FOXQ1: variants seen among roughly 807,000 people sequenced by gnomAD.
FOXQ1 encodes the protein forkhead box protein Q1.
FOXQ1 carries 1 observed loss-of-function variant against 0.6 expected under a neutral mutation model. The ratio of observed to expected loss-of-function variants is 1.73; its 90% confidence interval spans 0.61 to 8.20. The LOEUF is 8.20. Ranked by LOEUF, FOXQ1 falls within the 30% of genes most tolerant of loss-of-function variation. The probability of loss-of-function intolerance (pLI) is 0.13; values close to 1 mark genes in which losing one functional copy is unlikely to be tolerated. For missense variants in FOXQ1, 734 were observed against 595.6 expected, an observed-to-expected ratio of 1.23 and a Z score of -2.42; for synonymous variants, 377 against 294.4, an observed-to-expected ratio of 1.28 and a Z score of -2.87.
In FOXQ1 at chr6:1,313,818, C is replaced by A; in HGVS notation, c.1114C>A (p.Leu372Met). The part of the protein sequence containing the change: ...LRGPAAGGAH[L>M]YCPLRLPAAL... ...AGGCCCGGCGGCCGGCGGCGCGCAC[C>A]TGTACTGCCCCCTGCGGCTGCCCGC... is the stretch of plus-strand genomic sequence containing the variant. The change falls in exon 1 of 1, where the codon CTG (leucine) becomes ATG (methionine). Residue 372 changes from leucine (L) to methionine (M), a missense_variant. By Grantham distance (15) the Leu-to-Met change is conservative (BLOSUM62 2). Transcript: ENST00000296839. This position sits in a 1 kb window ranked among gnomAD's most constrained non-coding sequence, Gnocchi z 5.2. The A allele has an allele frequency of 7.8e-7, 1 of 1,284,476 alleles. No individual in the cohort carries two copies. The highest frequency in any genetic ancestry group is 2.6e-5 in the South Asian group (1 of 37,908). The allele number at this position is 1,284,476 out of a possible 1,614,324, so 79.6% of individuals were successfully genotyped here. A position where few individuals can be genotyped will look rare whatever the true frequency, so the allele number is the denominator to read the frequency against.
rs1353584456 is a variant in FOXQ1 at position 1,312,773 on chromosome 6, G to A, written c.69G>A (p.Ala23=). 3.0e-6 allele frequency: 4 copies of A among 1,315,308 alleles called. No homozygotes were observed. Among genetic ancestry groups the A allele is most frequent in the African/African-American group, 3.1e-5 (2 of 64,998 alleles). The allele number at this position is 1,315,308 out of a possible 1,614,324, so 81.5% of individuals were successfully genotyped here. A position where few individuals can be genotyped will look rare whatever the true frequency, so the allele number is the denominator to read the frequency against. Reference sequence around the variant, plus strand: ...AGCAGGGCAGTGACCTGGAGGGCGCGGGCGGCAGCGACGCGCCGTCCCCGC... The same window carrying A: ...AGCAGGGCAGTGACCTGGAGGGCGCAGGCGGCAGCGACGCGCCGTCCCCGC... ...GDKQGSDLEG[A]GGSDAPSPLS... The change falls in exon 1 of 1, where the codon GCG becomes GCA. Residue 23 remains alanine, a synonymous_variant. Transcript: ENST00000296839.
chr6:1,313,866 C>T lies in FOXQ1; in HGVS notation c.1162C>T (p.Arg388Cys), dbSNP rs1384996346. The stretch of plus-strand genomic sequence containing the variant: ...CGCAGCCCTGCAGGCGGCCTCAGTC[C>T]GCCGCCCTGGCCCGCACCTGCCGTA... ...LPAALQAASV[R>C]RPGPHLPYPV... Residue 388 changes from arginine (R) to cysteine (C), a missense_variant, in exon 1 of 1, where the codon CGC (arginine) becomes TGC (cysteine). Coordinates refer to ENST00000296839, the MANE Select transcript of FOXQ1 (RefSeq NM_033260.4). The surrounding 1 kb of genome is among the most constrained non-coding windows in gnomAD (Gnocchi z 5.2). 9.3e-5 allele frequency: 122 copies of T among 1,312,776 alleles called. No homozygotes were observed. Among genetic ancestry groups the T allele is most frequent in the Non-Finnish European group, 1.2e-4 (121 of 1,036,462 alleles). The allele number at this position is 1,312,776 out of a possible 1,614,324, so 81.3% of individuals were successfully genotyped here.
Position 1,313,631 on chromosome 6 carries a change from C to T in FOXQ1, c.927C>T (p.Pro309=). 9.1e-7 allele frequency: 1 copy of T among 1,092,976 alleles called. No homozygotes were observed. Among genetic ancestry groups the T allele is most frequent in the Non-Finnish European group, 1.1e-6 (1 of 898,666 alleles). The allele number at this position is 1,092,976 out of a possible 1,614,324, so 67.7% of individuals were successfully genotyped here. Residue 309 remains proline, a synonymous_variant, in exon 1 of 1, where the codon CCC becomes CCT. Transcript: ENST00000296839. The surrounding 1 kb of genome is among the most constrained non-coding windows in gnomAD (Gnocchi z 5.2). ...CCTGCCCGCCGCTGCCCGCGTTCCCCGCGCTCCTCCCCGCGGCGCCCTGCA... is the reference window on the plus strand; with the variant it reads ...CCTGCCCGCCGCTGCCCGCGTTCCCTGCGCTCCTCCCCGCGGCGCCCTGCA... The part of the protein sequence containing the change: ...AAPCPPLPAF[P]ALLPAAPCRA...
Position 1,313,987 on chromosome 6 carries a change from ACTTTGCACT to A in FOXQ1, c.*72_*80del. On this transcript the variant is annotated 3_prime_UTR_variant, in exon 1 of 1. Coordinates refer to ENST00000296839, the MANE Select transcript of FOXQ1 (RefSeq NM_033260.4). This position sits in a 1 kb window ranked among gnomAD's most constrained non-coding sequence, Gnocchi z 5.2. ...GGCGGGAACGCGGGCCCGCGCGCGG[ACTTTGCACT>A]TTGAATCCAGAGGAAGATGAATTTT... 8.3e-7 allele frequency: 1 copy of A among 1,208,796 alleles called. No homozygotes were observed. Among genetic ancestry groups the A allele is most frequent in the Non-Finnish European group, 1.0e-6 (1 of 971,080 alleles). The allele number at this position is 1,208,796 out of a possible 1,614,324, so 74.9% of individuals were successfully genotyped here. A position where few individuals can be genotyped will look rare whatever the true frequency, so the allele number is the denominator to read the frequency against.
Position 1,312,895 on chromosome 6 carries a change from G to C in FOXQ1, c.191G>C (p.Gly64Ala). ...GGCGCCAGAGATACGCAGGGCGACG[G>C]CGAACAGAGTGCGGGAGGCGGGCCG... ...GGGARDTQGDGEQSAGGGPGA... is the reference protein window; with the variant it reads ...GGGARDTQGDAEQSAGGGPGA... The change falls in exon 1 of 1, where the codon GGC becomes GCC. Residue 64 changes from glycine (G) to alanine (A), a missense_variant. Transcript: ENST00000296839. 3.9e-6 allele frequency: 5 copies of C among 1,283,016 alleles called. No individual in the cohort carries two copies. Among genetic ancestry groups the C allele is most frequent in the Non-Finnish European group, 3.9e-6 (4 of 1,018,036 alleles). The allele number at this position is 1,283,016 out of a possible 1,614,324, so 79.5% of individuals were successfully genotyped here. A position where few individuals can be genotyped will look rare whatever the true frequency, so the allele number is the denominator to read the frequency against.
In FOXQ1 at chr6:1,313,160, G is replaced by C. The variant is rs1211620586; in HGVS notation, c.456G>C (p.Lys152Asn). 11 of 1,610,560 alleles carry C rather than the reference G, an allele frequency of 6.8e-6. No homozygotes were observed. Among genetic ancestry groups the C allele is most frequent in the East Asian group, 2.2e-5 (1 of 44,720 alleles). Reference protein sequence around the residue: ...LAEINEYLMGKFPFFRGSYTG... With the variant: ...LAEINEYLMGNFPFFRGSYTG... ...AGATCAACGAGTACCTCATGGGCAA[G>C]TTCCCCTTTTTCCGCGGCAGCTACA... The change falls in exon 1 of 1, where the codon AAG becomes AAC. Residue 152 changes from lysine to asparagine, a missense_variant. By Grantham distance (94) the Lys-to-Asn change is moderately conservative (BLOSUM62 0). Coordinates refer to ENST00000296839, the MANE Select transcript of FOXQ1 (RefSeq NM_033260.4). This position sits in a 1 kb window ranked among gnomAD's most constrained non-coding sequence, Gnocchi z 5.2.
chr6:1,312,411 G>A lies in FOXQ1; in HGVS notation c.-294G>A, dbSNP rs573513637. 329 of 317,834 alleles carry A rather than the reference G, an allele frequency of 1.0e-3. No individual in the cohort carries two copies. The highest frequency in any genetic ancestry group is 6.4e-3 in the African/African-American group (299 of 46,872). 19.7% of individuals were successfully genotyped at this position (317,834 alleles called of 1,614,324 possible). A position where few individuals can be genotyped will look rare whatever the true frequency, so the allele number is the denominator to read the frequency against. On this transcript the variant is annotated 5_prime_UTR_variant, in exon 1 of 1. Transcript: ENST00000296839. ...TGCTCGGGCACCCGAGGGTGGAACC[G>A]CGGCCCCTGCACACACTCACCCCAA...
chr6:1,312,480 C>A lies in FOXQ1; in HGVS notation c.-225C>A. The A allele has an allele frequency of 3.3e-6, 2 of 611,890 alleles. No individual in the cohort carries two copies. The highest frequency in any genetic ancestry group is 4.7e-6 in the Non-Finnish European group (2 of 425,576). 37.9% of individuals were successfully genotyped at this position (611,890 alleles called of 1,614,324 possible). A position where few individuals can be genotyped will look rare whatever the true frequency, so the allele number is the denominator to read the frequency against. ...AAGGCGACACCCACCCAACTCCTCCCTCTCCGCCCCATAGTCCACCCAACA... is the reference window on the plus strand; with the variant it reads ...AAGGCGACACCCACCCAACTCCTCCATCTCCGCCCCATAGTCCACCCAACA... On this transcript the variant is annotated 5_prime_UTR_variant, in exon 1 of 1. Transcript: ENST00000296839.
Position 1,312,787 on chromosome 6 carries a change from C to T in FOXQ1, c.83C>T (p.Ala28Val), listed in dbSNP as rs1757569182. 2 of 1,305,140 alleles carry T rather than the reference C, an allele frequency of 1.5e-6. No individual in the cohort carries two copies. Among genetic ancestry groups the T allele is most frequent in the Non-Finnish European group, 9.7e-7 (1 of 1,028,876 alleles). 80.8% of individuals were successfully genotyped at this position (1,305,140 alleles called of 1,614,324 possible). Residue 28 changes from alanine to valine, a missense_variant, in exon 1 of 1, where the codon GCG becomes GTG. Ala to Val is a moderately conservative substitution (Grantham distance 64). Coordinates refer to ENST00000296839, the MANE Select transcript of FOXQ1 (RefSeq NM_033260.4). ...CTGGAGGGCGCGGGCGGCAGCGACG[C>T]GCCGTCCCCGCTGTCGGCGGCGGGA... ...SDLEGAGGSD[A>V]PSPLSAAGDD...
Position 1,312,994 on chromosome 6 carries a change from G to C in FOXQ1, c.290G>C (p.Gly97Ala), listed in dbSNP as rs558903450. The change falls in exon 1 of 1, where the codon GGG becomes GCG. Residue 97 changes from glycine (G) to alanine (A), a missense_variant. By Grantham distance (60) the Gly-to-Ala change is moderately conservative. Transcript: ENST00000296839. ...VAEGAEAGAA[G>A]PGAGGAGSGE... is the part of the protein sequence containing the mutation. ...GAGGGCGCGGAGGCCGGGGCGGCGG[G>C]GCCAGGCGCGGGCGGCGCGGGGAGC... 11 of 1,337,534 alleles carry C rather than the reference G, an allele frequency of 8.2e-6. No individual in the cohort carries two copies. The East Asian group carries it at 3.0e-4, about 37-fold the overall frequency. The allele number at this position is 1,337,534 out of a possible 1,614,324, so 82.9% of individuals were successfully genotyped here.
Position 1,313,946 on chromosome 6 carries a change from T to G in FOXQ1, c.*30T>G. The G allele has an allele frequency of 8.2e-7, 1 of 1,223,504 alleles. No homozygotes were observed. The highest frequency in any genetic ancestry group is 3.9e-5 in the South Asian group (1 of 25,734). 75.8% of individuals were successfully genotyped at this position (1,223,504 alleles called of 1,614,324 possible). A position where few individuals can be genotyped will look rare whatever the true frequency, so the allele number is the denominator to read the frequency against. ...CGCCGCGGGGCCCGGGAACGCCGAG[T>G]GCGCGCCGTCGGGGAGGCGGGAACG... is the stretch of plus-strand genomic sequence containing the variant. On this transcript the variant is annotated 3_prime_UTR_variant, in exon 1 of 1. Coordinates refer to ENST00000296839, the MANE Select transcript of FOXQ1 (RefSeq NM_033260.4). This position sits in a 1 kb window ranked among gnomAD's most constrained non-coding sequence, Gnocchi z 5.2.
Position 1,312,981 on chromosome 6 carries a change from G to T in FOXQ1, c.277G>T (p.Ala93Ser). The stretch of plus-strand genomic sequence containing the variant: ...AGCGGTGGTGGCGGAGGGCGCGGAG[G>T]CCGGGGCGGCGGGGCCAGGCGCGGG... The part of the protein sequence containing the change: ...AAAVVAEGAE[A>S]GAAGPGAGGA... The change falls in exon 1 of 1, where the codon GCC becomes TCC. Residue 93 changes from alanine to serine, a missense_variant. Transcript: ENST00000296839. 3 of 1,296,764 alleles carry T rather than the reference G, an allele frequency of 2.3e-6. No individual in the cohort carries two copies. In the South Asian group the frequency reaches 8.1e-5, roughly 35 times the overall value. 80.3% of individuals were successfully genotyped at this position (1,296,764 alleles called of 1,614,324 possible).
Position 1,312,505 on chromosome 6 carries a change from A to T in FOXQ1, c.-200A>T. On this transcript the variant is annotated 5_prime_UTR_variant, in exon 1 of 1. Coordinates refer to ENST00000296839, the MANE Select transcript of FOXQ1 (RefSeq NM_033260.4). ...CTCTCCGCCCCATAGTCCACCCAAC[A>T]CTTGCAGCCCCTCCAGAGAAAAAGC... 1 of 810,250 alleles carries T rather than the reference A, an allele frequency of 1.2e-6. No homozygotes were observed. Among genetic ancestry groups the T allele is most frequent in the East Asian group, 3.4e-5 (1 of 29,416 alleles). 50.2% of individuals were successfully genotyped at this position (810,250 alleles called of 1,614,324 possible).
In FOXQ1 at chr6:1,313,819, T is replaced by C; in HGVS notation, c.1115T>C (p.Leu372Pro). 7.8e-7 allele frequency: 1 copy of C among 1,284,252 alleles called. No individual in the cohort carries two copies. Among genetic ancestry groups the C allele is most frequent in the Non-Finnish European group, 9.8e-7 (1 of 1,020,968 alleles). 79.6% of individuals were successfully genotyped at this position (1,284,252 alleles called of 1,614,324 possible). A position where few individuals can be genotyped will look rare whatever the true frequency, so the allele number is the denominator to read the frequency against. Residue 372 changes from leucine to proline, a missense_variant, in exon 1 of 1, where the codon CTG becomes CCG. Coordinates refer to ENST00000296839, the MANE Select transcript of FOXQ1 (RefSeq NM_033260.4). This position sits in a 1 kb window ranked among gnomAD's most constrained non-coding sequence, Gnocchi z 5.2. Reference protein sequence around the residue: ...LRGPAAGGAHLYCPLRLPAAL... With the variant: ...LRGPAAGGAHPYCPLRLPAAL... The stretch of plus-strand genomic sequence containing the variant: ...GGCCCGGCGGCCGGCGGCGCGCACC[T>C]GTACTGCCCCCTGCGGCTGCCCGCA...
In FOXQ1 at chr6:1,313,638, C is replaced by T; in HGVS notation, c.934C>T (p.Leu312Phe). ...CPPLPAFPAL[L>F]PAAPCRALLP... ...GCCGCTGCCCGCGTTCCCCGCGCTC[C>T]TCCCCGCGGCGCCCTGCAGGGCCCT... is the stretch of plus-strand genomic sequence containing the variant. Residue 312 changes from leucine to phenylalanine, a missense_variant, in exon 1 of 1, where the codon CTC (leucine) becomes TTC (phenylalanine). By Grantham distance (22) the Leu-to-Phe change is conservative (BLOSUM62 0). Transcript: ENST00000296839. This position sits in a 1 kb window ranked among gnomAD's most constrained non-coding sequence, Gnocchi z 5.2. 1 of 1,084,628 alleles carries T rather than the reference C, an allele frequency of 9.2e-7. No homozygotes were observed. The allele number at this position is 1,084,628 out of a possible 1,614,324, so 67.2% of individuals were successfully genotyped here. A position where few individuals can be genotyped will look rare whatever the true frequency, so the allele number is the denominator to read the frequency against.
rs1416865070 is a variant in FOXQ1, at chr6:1,313,807, G to T, written c.1103G>T (p.Gly368Val). The stretch of plus-strand genomic sequence containing the variant: ...AAGCCACTCCGAGGCCCGGCGGCCG[G>T]CGGCGCGCACCTGTACTGCCCCCTG... ...PAKPLRGPAAGGAHLYCPLRL... is the reference protein window; with the variant it reads ...PAKPLRGPAAVGAHLYCPLRL... The change falls in exon 1 of 1, where the codon GGC becomes GTC. Residue 368 changes from glycine (G) to valine (V), a missense_variant. Transcript: ENST00000296839. This position sits in a 1 kb window ranked among gnomAD's most constrained non-coding sequence, Gnocchi z 5.2. 2.3e-6 allele frequency: 3 copies of T among 1,278,408 alleles called. No homozygotes were observed. The highest frequency in any genetic ancestry group is 3.0e-6 in the Non-Finnish European group (3 of 1,015,384). The allele number at this position is 1,278,408 out of a possible 1,614,324, so 79.2% of individuals were successfully genotyped here.
At position 1,313,633 on chromosome 6, in the gene FOXQ1, C is replaced by T. The variant is rs1440417552; in HGVS notation, c.929C>T (p.Ala310Val). The change falls in exon 1 of 1, where the codon GCG (alanine) becomes GTG (valine). Residue 310 changes from alanine to valine, a missense_variant. Ala to Val is a moderately conservative substitution (Grantham distance 64). Transcript: ENST00000296839. The surrounding 1 kb of genome is among the most constrained non-coding windows in gnomAD (Gnocchi z 5.2). The part of the protein sequence containing the change: ...APCPPLPAFP[A>V]LLPAAPCRAL... Reference sequence around the variant, plus strand: ...TGCCCGCCGCTGCCCGCGTTCCCCGCGCTCCTCCCCGCGGCGCCCTGCAGG... The same window carrying T: ...TGCCCGCCGCTGCCCGCGTTCCCCGTGCTCCTCCCCGCGGCGCCCTGCAGG... 3 of 1,088,884 alleles carry T rather than the reference C, an allele frequency of 2.8e-6. No individual in the cohort carries two copies. Among genetic ancestry groups the T allele is most frequent in the Non-Finnish European group, 3.3e-6 (3 of 896,574 alleles). 67.5% of individuals were successfully genotyped at this position (1,088,884 alleles called of 1,614,324 possible). A position where few individuals can be genotyped will look rare whatever the true frequency, so the allele number is the denominator to read the frequency against.
chr6:1,312,638 G>A lies in FOXQ1; in HGVS notation c.-67G>A. 2 of 1,275,928 alleles carry A rather than the reference G, an allele frequency of 1.6e-6. No individual in the cohort carries two copies. Among genetic ancestry groups the A allele is most frequent in the South Asian group, 2.6e-5 (1 of 38,132 alleles). The allele number at this position is 1,275,928 out of a possible 1,614,324, so 79.0% of individuals were successfully genotyped here. On this transcript the variant is annotated 5_prime_UTR_variant, in exon 1 of 1. Coordinates refer to ENST00000296839, the MANE Select transcript of FOXQ1 (RefSeq NM_033260.4). ...CCCCGGATCGCCATCCCCTTCCCTG[G>A]CACCAGCTTCTCTAGGCTGCGCGAA...
In FOXQ1 at chr6:1,312,965, G is replaced by A; in HGVS notation, c.261G>A (p.Val87=). 1 of 1,283,680 alleles carries A rather than the reference G, an allele frequency of 7.8e-7. No homozygotes were observed. Among genetic ancestry groups the A allele is most frequent in the Non-Finnish European group, 9.8e-7 (1 of 1,019,190 alleles). 79.5% of individuals were successfully genotyped at this position (1,283,680 alleles called of 1,614,324 possible). ...CGGCAGCAGCTGCTGCAGCGGTGGTGGCGGAGGGCGCGGAGGCCGGGGCGG... is the reference window on the plus strand; with the variant it reads ...CGGCAGCAGCTGCTGCAGCGGTGGTAGCGGAGGGCGCGGAGGCCGGGGCGG... ...AIPAAAAAAV[V]AEGAEAGAAG... is the part of the protein sequence containing the mutation. The change falls in exon 1 of 1, where the codon GTG becomes GTA. Residue 87 remains valine (V), a synonymous_variant. Transcript: ENST00000296839.
Sources: allele counts gnomAD v4.1 joint callset, GRCh38; gene constraint gnomAD v4.1.1; non-coding constraint Gnocchi (gnomAD v3.1); transcripts MANE v1.5; gene names NCBI Gene and HGNC (gene_info 2026-07-23, HGNC 2026-07-21).